The following NAV3 variants were observed in gnomAD, a reference collection of about 807,000 sequenced individuals.
NAV3 encodes the protein pore membrane and/or filament interacting like protein 1.
A neutral mutation model predicts 244.7 loss-of-function variants in NAV3; 87 were observed. The ratio of observed to expected loss-of-function variants is 0.36; its 90% confidence interval spans 0.30 to 0.42. The LOEUF is 0.42. NAV3 is among the 20% of genes least tolerant of loss of function. The pLI, the probability that NAV3 is intolerant of heterozygous loss-of-function variation, is 1.00. For missense variants in NAV3, 2,663 were observed against 2,893.3 expected (o/e 0.92, Z 1.83); for synonymous variants, 1,126 against 1,042.2 (o/e 1.08, Z -1.55).
chr12:77,768,337 C>T (rs1413155494), intron 2 of NAV3, among the ~76,000 whole-genome samples: 6 of 152,202 alleles, frequency 3.9e-5, no homozygotes, highest in Admixed American at 1.3e-4. Context: ...ACCCTTTCTG[C>T]CCAGGAGCCT....
chr12:78,006,333 T>A, intron 7 of NAV3, 86 bp from the exon 8 acceptor site: 2 of 1,230,352 alleles, frequency 1.6e-6, no homozygotes, highest in South Asian at 2.9e-5. Flanking sequence ...CTTCTATCCA[T>A]CAATAGTTTG....
intron 9 of NAV3, among the ~76,000 whole-genome samples, chr12:78,028,512 C>T (rs1878448689): frequency 6.6e-6 from 1 of 152,116 alleles, no homozygotes; most frequent in South Asian, 2.1e-4. Context: ...TAAGACAGCC[C>T]CTACAGGAAG....
intron 1 of NAV3, among the ~76,000 whole-genome samples, chr12:77,906,779 G>A (rs1886025516): frequency 6.6e-6 from 1 of 152,098 alleles, no homozygotes; most frequent in Non-Finnish European, 1.5e-5. Context: ...TTGGATGAAT[G>A]TCTGGCACAT....
chr12:77,586,869 A>G (rs942117861), intron 2 of NAV3, among the ~76,000 whole-genome samples: 31 of 152,200 alleles, frequency 2.0e-4, no homozygotes, highest in Admixed American at 1.8e-3. Flanking sequence ...TAGGCTGCTG[A>G]AATGTTCTGG....
chr12:77,618,154 T>C (rs951869782), intron 2 of NAV3, among the ~76,000 whole-genome samples: 1 of 152,236 alleles, frequency 6.6e-6, no homozygotes, highest in Admixed American at 6.5e-5. Context: ...CCAGCCCCAG[T>C]TGAGCCTTCA....
chr12:77,665,687 A>C (rs1013479004), intron 2 of NAV3, among the ~76,000 whole-genome samples: 1 of 152,186 alleles, frequency 6.6e-6, no homozygotes, highest in African/African-American at 2.4e-5. Context: ...ATTCATTCTC[A>C]TAAAAACACT....
At chr12:77,936,718 G>C (rs1260345836) in intron 1 of NAV3, among the ~76,000 whole-genome samples, 1 of 152,034 alleles carries the variant, frequency 6.6e-6, no homozygotes, top group Non-Finnish European at 1.5e-5. Context: ...TCCAATTTCA[G>C]GACCTGATTT....
At chr12:77,613,819 C>T (rs1444697110) in intron 2 of NAV3, among the ~76,000 whole-genome samples, 1 of 152,076 alleles carries the variant, frequency 6.6e-6, no homozygotes, top group East Asian at 1.9e-4. Flanking sequence ...TAGGAACTTC[C>T]AAGTTTTTCT....
intron 2 of NAV3, among the ~76,000 whole-genome samples, chr12:77,685,210 CAG>C (rs1426248237): frequency 2.0e-5 from 3 of 152,180 alleles, no homozygotes; most frequent in African/African-American, 4.8e-5. Flanking sequence ...AAAAATCAAA[CAG>C]ATAAATATGC....
intron 12 of NAV3, among the ~76,000 whole-genome samples, chr12:78,098,718 G>GT (rs139254152): frequency 0.21 from 30,896 of 150,584 alleles, 3,120 homozygotes; most frequent in Non-Finnish European, 0.23. Flanking sequence ...ATTTGAAACT[G>GT]GTTTTTTTTT....
intron 2 of NAV3, among the ~76,000 whole-genome samples, chr12:77,784,418 G>C (rs1870811308): frequency 6.6e-6 from 1 of 152,182 alleles, no homozygotes; most frequent in Non-Finnish European, 1.5e-5. Flanking sequence ...AATCTGGAAA[G>C]AAGGCAACCA....
At chr12:78,056,010 T>C (rs1009234524) in intron 11 of NAV3, among the ~76,000 whole-genome samples, 3 of 152,216 alleles carry the variant, frequency 2.0e-5, no homozygotes, top group African/African-American at 7.2e-5. Context: ...AAGTCTTGGA[T>C]AGTCTCACAA....
intron 12 of NAV3, among the ~76,000 whole-genome samples, chr12:78,084,325 G>A (rs1427201464): frequency 1.3e-5 from 2 of 152,034 alleles, no homozygotes; most frequent in East Asian, 3.9e-4. Flanking sequence ...CTTACCTCCT[G>A]TTACTGTGTA....
intron 19 of NAV3, among the ~76,000 whole-genome samples, chr12:78,139,329 A>C (rs920270000): frequency 6.6e-6 from 1 of 152,058 alleles, no homozygotes; most frequent in East Asian, 1.9e-4. Flanking sequence ...AGCACCTCCC[A>C]TATGTCCTTG....
intron 9 of NAV3, chr12:78,036,346 C>T (rs1174757189): frequency 6.5e-6 from 1 of 152,902 alleles, no homozygotes; most frequent in Non-Finnish European, 1.5e-5. Flanking sequence ...CTCCTATGAG[C>T]AGGCTGTACT....
chr12:77,922,406 A>G (rs1887799261), intron 1 of NAV3, among the ~76,000 whole-genome samples: 1 of 151,770 alleles, frequency 6.6e-6, no homozygotes, highest in Non-Finnish European at 1.5e-5. Flanking sequence ...TGATCCCTTT[A>G]TTTTTTAGTT....
upstream of NAV3, chr12:77,830,773 G>A (rs932088638): frequency 3.3e-5 from 5 of 152,160 alleles, no homozygotes; most frequent in African/African-American, 4.8e-5. Context: ...GATTGTTTCC[G>A]GGCTAAAAGT....
At chr12:77,893,762 A>G (rs1427441633) in intron 1 of NAV3, among the ~76,000 whole-genome samples, 3 of 152,220 alleles carry the variant, frequency 2.0e-5, no homozygotes, top group African/African-American at 7.2e-5. Context: ...ACTTCCATGT[A>G]GAATTTTTCC....
At chr12:77,789,019 G>A (rs1224389521) in intron 2 of NAV3, among the ~76,000 whole-genome samples, 3 of 152,094 alleles carry the variant, frequency 2.0e-5, no homozygotes, top group East Asian at 1.9e-4. Flanking sequence ...AACAAAGTCA[G>A]CCTACTTAGT....
Sources: allele counts gnomAD v4.1 joint callset (sites outside exome capture counted in the v4.1 genomes callset), GRCh38; gene constraint gnomAD v4.1.1; transcripts MANE v1.5; gene names NCBI Gene and HGNC (gene_info 2026-07-23, HGNC 2026-07-21).